Variants in HMGB1 observed in about 807,000 individuals in gnomAD.
The protein encoded by HMGB1 is high mobility group protein B1.
For missense variants in HMGB1, 79 were observed against 253.5 expected (o/e 0.31, Z 4.67); for synonymous variants, 81 against 84.0 (o/e 0.96, Z 0.19).
chr13:30,606,439 A>G (rs1406934368), intron 1 of HMGB1, among the ~76,000 whole-genome samples: 4 of 145,848 alleles, frequency 2.7e-5, no homozygotes, highest in Admixed American at 2.0e-4. Flanking sequence ...ATAGGAGAGC[A>G]TGTCTTAAAG....
At chr13:30,596,988 G>A (rs1871640518) in intron 1 of HMGB1, among the ~76,000 whole-genome samples, 2 of 152,134 alleles carry the variant, frequency 1.3e-5, no homozygotes, top group African/African-American at 4.8e-5. Context: ...TACTGGTTCT[G>A]CTCCTAGACA....
intron 1 of HMGB1, among the ~76,000 whole-genome samples, chr13:30,568,038 T>C (rs1322568585): frequency 6.6e-6 from 1 of 152,184 alleles, no homozygotes; most frequent in East Asian, 1.9e-4. Context: ...AGTGAAGCTC[T>C]AGTGTTCCCC....
intron 1 of HMGB1, among the ~76,000 whole-genome samples, chr13:30,538,510 C>CCTTT (rs1180290795): frequency 1.2e-5 from 1 of 82,230 alleles, no homozygotes; most frequent in African/African-American, 8.6e-5. Flanking sequence ...TTCTTTCTTT[C>CCTTT]CTTTCTTTCT....
chr13:30,526,557 A>G (rs1888372083), intron 1 of HMGB1, among the ~76,000 whole-genome samples: 1 of 152,046 alleles, frequency 6.6e-6, no homozygotes, highest in South Asian at 2.1e-4. Context: ...CTGCAACCTC[A>G]CCAGATAACC....
intron 1 of HMGB1, among the ~76,000 whole-genome samples, chr13:30,597,848 C>T (rs1426406729): frequency 6.6e-6 from 1 of 152,148 alleles, no homozygotes; most frequent in Non-Finnish European, 1.5e-5. Context: ...AGCCTGACCC[C>T]TGGTGTGTAG....
At chr13:30,570,025 T>C (rs1352563151) in intron 1 of HMGB1, among the ~76,000 whole-genome samples, 1 of 152,220 alleles carries the variant, frequency 6.6e-6, no homozygotes, top group Non-Finnish European at 1.5e-5. Context: ...GAACAGATTA[T>C]TACAAACCCA....
At chr13:30,508,442 G>A (rs1458757124) in intron 1 of HMGB1, among the ~76,000 whole-genome samples, 1 of 152,102 alleles carries the variant, frequency 6.6e-6, no homozygotes, top group Non-Finnish European at 1.5e-5. Flanking sequence ...AACCTGGGAG[G>A]CAGAGGTTGC....
intron 1 of HMGB1, among the ~76,000 whole-genome samples, chr13:30,564,849 C>A (rs1341639943): frequency 6.6e-6 from 1 of 152,168 alleles, no homozygotes. Flanking sequence ...TTCTAAAACT[C>A]AACATAGACC....
At chr13:30,531,266 C>T (rs58355267) in intron 1 of HMGB1, among the ~76,000 whole-genome samples, 27,305 of 151,978 alleles carry the variant, frequency 0.18, 3,226 homozygotes, top group African/African-American at 0.33. Context: ...ATGATGGCAT[C>T]CCCTGTGACA....
Position 30,569,719 on chromosome 13 carries a change from C to T in HMGB1, c.-15+46952G>A, listed in dbSNP as rs547794515. 6.6e-5 allele frequency among the ~76,000 whole-genome samples: 10 copies of T among 152,220 alleles called. No individual in the cohort carries two copies. The South Asian group carries it at 8.3e-4, about 13-fold the overall frequency. ...CAACTTCTTTCCTATATCACCTTTCCCAGAGTGCGCTCTCATGGATAAAGA... is the reference window on the plus strand; with the variant it reads ...CAACTTCTTTCCTATATCACCTTTCTCAGAGTGCGCTCTCATGGATAAAGA... On this transcript the variant is annotated intron_variant, in intron 1 of 4. Transcript: ENST00000405805.
At chr13:30,551,905 T>C (rs1869444824) in intron 1 of HMGB1, among the ~76,000 whole-genome samples, 1 of 152,096 alleles carries the variant, frequency 6.6e-6, no homozygotes, top group Non-Finnish European at 1.5e-5. Context: ...GACGGGGTCT[T>C]GCTCTGTTGC....
intron 1 of HMGB1, among the ~76,000 whole-genome samples, chr13:30,577,495 C>G (rs1593322563): frequency 6.6e-6 from 1 of 152,128 alleles, no homozygotes; most frequent in Non-Finnish European, 1.5e-5. Context: ...GCTGTGGCAG[C>G]CCAAGCTGAC....
Position 30,538,615 on chromosome 13 carries a change from T to TTC in HMGB1, c.-14-74923_-14-74922dup, listed in dbSNP as rs397838149. Among the ~76,000 whole-genome samples the TTC allele has an allele frequency of 2.5e-3, 307 of 123,148 alleles. 29 individuals are homozygous for TTC. The highest frequency in any genetic ancestry group is 0.014 in the African/African-American group (296 of 21,408). 80.8% of individuals were successfully genotyped at this position (123,148 alleles called of 152,430 possible). ...CTTTCTTCTTTTTCTTTCTTTCTCT[T>TTC]TCTCTCTCTCTTTCTTTTTCTTTCT... On this transcript the variant is annotated intron_variant, in intron 1 of 4. Coordinates refer to the HMGB1 transcript ENST00000405805.
At chr13:30,477,943 TCAA>T (rs905733742) in intron 1 of HMGB1, among the ~76,000 whole-genome samples, 1 of 151,892 alleles carries the variant, frequency 6.6e-6, no homozygotes, top group African/African-American at 2.4e-5. Flanking sequence ...AAAAAAAAAA[TCAA>T]CAACAAAAAA....
chr13:30,555,188 C>T (rs1315984053), intron 1 of HMGB1, among the ~76,000 whole-genome samples: 2 of 151,822 alleles, frequency 1.3e-5, no homozygotes, highest in African/African-American at 2.4e-5. Context: ...AATACAGGCG[C>T]CCGCCACCAA....
intron 1 of HMGB1, among the ~76,000 whole-genome samples, chr13:30,538,717 TC>T (rs1566019286): frequency 5.6e-5 from 6 of 107,512 alleles, no homozygotes; most frequent in African/African-American, 1.4e-4. Flanking sequence ...CTTTCTTTCT[TC>T]TTTTTCTTTC....
chr13:30,467,383 T>TTTCTCA (rs1249294702), upstream of HMGB1, among the ~76,000 whole-genome samples: 2 of 152,252 alleles, frequency 1.3e-5, no homozygotes, highest in Non-Finnish European at 2.9e-5. Flanking sequence ...TCAAATGTAT[T>TTTCTCA]AAACTACTTG....
chr13:30,571,294 T>A (rs1002392863), intron 1 of HMGB1, among the ~76,000 whole-genome samples: 2 of 147,658 alleles, frequency 1.4e-5, no homozygotes, highest in African/African-American at 4.9e-5. Flanking sequence ...AAAAAATGGT[T>A]TTTTTTTTTT....
At chr13:30,599,356 T>G (rs999803969) in intron 1 of HMGB1, among the ~76,000 whole-genome samples, 1 of 152,066 alleles carries the variant, frequency 6.6e-6, no homozygotes, top group Non-Finnish European at 1.5e-5. Flanking sequence ...TAATCCCAGC[T>G]ACTTGGGAGA....
Sources: allele counts gnomAD v4.1 joint callset (sites outside exome capture counted in the v4.1 genomes callset), GRCh38; gene constraint gnomAD v4.1.1; transcripts MANE v1.5; gene names NCBI Gene and HGNC (gene_info 2026-07-23, HGNC 2026-07-21).